The following CACNA1D variants were observed in gnomAD, a reference collection of about 807,000 sequenced individuals.
CACNA1D encodes the protein calcium voltage-gated channel subunit alpha1 D.
A neutral mutation model predicts 257.1 loss-of-function variants in CACNA1D; 55 were observed. The ratio of observed to expected loss-of-function variants is 0.21; its 90% CI spans 0.17 to 0.27. CACNA1D has a LOEUF of 0.27. CACNA1D is among the 10% of genes least tolerant of loss of function. The pLI, the probability that CACNA1D is intolerant of heterozygous loss-of-function variation, is 1.00. For synonymous variants in CACNA1D, 980 were observed against 1,014.9 expected, an observed-to-expected ratio of 0.97 and a Z score of 0.65; for missense variants, 1,876 against 2,784.0, an observed-to-expected ratio of 0.67 and a Z score of 7.34.
chr3:53,518,960 G>A (rs1040775524), intron 3 of CACNA1D, among the ~76,000 whole-genome samples: 14 of 152,114 alleles, frequency 9.2e-5, no homozygotes, highest in African/African-American at 3.1e-4. Flanking sequence ...CTGCAGTCTC[G>A]TCTGGCCTGA....
intron 38 of CACNA1D, among the ~76,000 whole-genome samples, chr3:53,780,920 C>A (rs1276458152): frequency 1.3e-5 from 2 of 152,200 alleles, no homozygotes; most frequent in Non-Finnish European, 2.9e-5. Context: ...TGACTTCTTA[C>A]AACCCTAGAG....
intron 8 of CACNA1D, among the ~76,000 whole-genome samples, chr3:53,684,644 A>AAG (rs2094459449): frequency 1.4e-5 from 2 of 145,320 alleles, no homozygotes; most frequent in Non-Finnish European, 3.0e-5. Flanking sequence ...AAAAAAAAAA[A>AAG]GCATCAAAAT....
chr3:53,561,245 T>C (rs1443771517), intron 3 of CACNA1D, among the ~76,000 whole-genome samples: 3 of 152,144 alleles, frequency 2.0e-5, no homozygotes, highest in Middle Eastern at 3.2e-3. Context: ...TTTTATCTTG[T>C]CTCTGTACAA....
chr3:53,723,285 C>T lies in CACNA1D; in HGVS notation c.1667-149C>T, dbSNP rs140819886. 401 of 708,682 alleles carry T rather than the reference C, an allele frequency of 5.7e-4. No individual in the cohort carries two copies. The African/African-American group carries it at 6.3e-3, about 11-fold the overall frequency. The allele number at this position is 708,682 out of a possible 1,614,324, so 43.9% of individuals were successfully genotyped here. Reference sequence around the variant, plus strand: ...GGACAGACTGTCCACGCGAAGGCCACGTTTCTGTCCTGAGTGAGGTAGTGA... The same window carrying T: ...GGACAGACTGTCCACGCGAAGGCCATGTTTCTGTCCTGAGTGAGGTAGTGA... On this transcript the variant is annotated intron_variant, in intron 12 of 47. Transcript: ENST00000350061. This position sits in a 1 kb window ranked among gnomAD's most constrained non-coding sequence, Gnocchi z 5.6.
chr3:53,791,147 C>T (rs2095480563), intron 40 of CACNA1D: 1 of 653,818 alleles, frequency 1.5e-6, no homozygotes, highest in Non-Finnish European at 2.8e-6. Context: ...CCCAAGGCCC[C>T]AGGGAGACCC....
chr3:53,549,994 A>G (rs1447442610), intron 3 of CACNA1D, among the ~76,000 whole-genome samples: 2 of 152,240 alleles, frequency 1.3e-5, no homozygotes, highest in Non-Finnish European at 2.9e-5. Flanking sequence ...CAGGAGAATA[A>G]GGATTTAAAG....
chr3:53,743,381 C>G (rs1287226691), intron 22 of CACNA1D, among the ~76,000 whole-genome samples: 3 of 152,078 alleles, frequency 2.0e-5, no homozygotes, highest in Non-Finnish European at 4.4e-5. Context: ...GAAGTGTTGA[C>G]TAGGAGGGAG....
intron 8 of CACNA1D, chr3:53,679,795 C>T (rs2094411973): frequency 6.6e-6 from 1 of 152,110 alleles, no homozygotes; most frequent in Non-Finnish European, 1.5e-5. Flanking sequence ...GTTGGATGTC[C>T]CCTTTTCTGA....
chr3:53,502,407 A>T (rs2090643094), intron 3 of CACNA1D, among the ~76,000 whole-genome samples: 1 of 151,992 alleles, frequency 6.6e-6, no homozygotes, highest in Admixed American at 6.6e-5. Context: ...GTTAAAAAAC[A>T]GGTTTCCTTT....
At chr3:53,679,484 G>A (rs1240792458) in intron 8 of CACNA1D, 1 of 151,956 alleles carries the variant, frequency 6.6e-6, no homozygotes, top group Admixed American at 6.6e-5. Context: ...GGCATGATTT[G>A]TCACCATATT....
intron 4 of CACNA1D, among the ~76,000 whole-genome samples, chr3:53,656,869 C>A (rs952568532): frequency 6.6e-6 from 1 of 151,962 alleles, no homozygotes; most frequent in East Asian, 1.9e-4. Flanking sequence ...TACTGCATAC[C>A]CACTAGTATT....
At chr3:53,686,413 C>T (rs1166367419) in intron 8 of CACNA1D, among the ~76,000 whole-genome samples, 4 of 151,998 alleles carry the variant, frequency 2.6e-5, no homozygotes, top group African/African-American at 7.2e-5. Flanking sequence ...AGCACAGTGT[C>T]CTTCATTAAT....
rs562608515 is a variant in CACNA1D at position 53,690,275 on chromosome 3, C to T, written c.1221-12366C>T. Among the ~76,000 whole-genome samples, 5 of 152,338 alleles carry T rather than the reference C, an allele frequency of 3.3e-5. No individual in the cohort carries two copies. In the East Asian group the frequency reaches 9.6e-4, roughly 29 times the overall value. ...GTCTGTGCTCGTACATCCTCAGCTG[C>T]TGTATTCTCAAAGCTCTATGCTTTG... On this transcript the variant is annotated intron_variant, in intron 8 of 47. Coordinates refer to ENST00000350061, the MANE Select transcript of CACNA1D (RefSeq NM_001128840.3).
intron 30 of CACNA1D, among the ~76,000 whole-genome samples, chr3:53,762,328 A>C (rs1398627019): frequency 1.3e-5 from 2 of 152,240 alleles, no homozygotes; most frequent in Non-Finnish European, 2.9e-5. Context: ...TACCCTGGTC[A>C]CTAGTAGGCA....
At chr3:53,632,428 T>G (rs1439624054) in intron 3 of CACNA1D, among the ~76,000 whole-genome samples, 1 of 152,256 alleles carries the variant, frequency 6.6e-6, no homozygotes, top group East Asian at 1.9e-4. Context: ...GTCCAGACCC[T>G]TAAAACATTT....
chr3:53,656,427 A>G (rs954743967), intron 4 of CACNA1D, among the ~76,000 whole-genome samples: 1 of 152,118 alleles, frequency 6.6e-6, no homozygotes, highest in Non-Finnish European at 1.5e-5. Context: ...ATGTTTTTCC[A>G]TTTGTTTGTG....
intron 3 of CACNA1D, among the ~76,000 whole-genome samples, chr3:53,547,406 CA>C (rs2092435246): frequency 6.6e-6 from 1 of 152,154 alleles, no homozygotes; most frequent in Non-Finnish European, 1.5e-5. Context: ...ATTATGGCGT[CA>C]ATTGATTCTC....
At chr3:53,672,564 T>C (rs11915489) in intron 7 of CACNA1D, among the ~76,000 whole-genome samples, 21,935 of 152,182 alleles carry the variant, frequency 0.14, 1,912 homozygotes, top group Middle Eastern at 0.27. Flanking sequence ...CATCACAAAC[T>C]TTAAACACAA....
chr3:53,773,552 T>G (rs1309575113), intron 33 of CACNA1D: 1 of 152,484 alleles, frequency 6.6e-6, no homozygotes, highest in East Asian at 1.9e-4. Context: ...GGCAGGCTCC[T>G]TGCAGATTCT....
Sources: gnomAD v4.1 joint callset for allele counts (sites outside exome capture counted in the v4.1 genomes callset) on GRCh38, gnomAD v4.1.1 for gene constraint, Gnocchi (gnomAD v3.1) non-coding constraint, MANE v1.5 for transcripts, NCBI Gene and HGNC (gene_info 2026-07-23, HGNC 2026-07-21) for gene names.